Variants in HECW2 observed in about 807,000 individuals in gnomAD.
HECW2 encodes HECT, C2 and WW domain containing E3 ubiquitin protein ligase 2, also known as E3 ubiquitin-protein ligase HECW2.
A neutral mutation model predicts 175.2 loss-of-function variants in HECW2; 61 were observed. The observed-to-expected ratio is 0.35, with a 90% CI of 0.28 to 0.43. HECW2 has a LOEUF of 0.43. Among genes scored for constraint, HECW2 ranks in the 20% least tolerant of loss-of-function variants. The probability of loss-of-function intolerance (pLI) is 1.00; values close to 1 mark genes in which losing one functional copy is unlikely to be tolerated. For synonymous variants in HECW2, 671 were observed against 731.0 expected (o/e 0.92, Z 1.32); for missense variants, 1,524 against 2,000.5 (o/e 0.76, Z 4.54).
chr2:196,477,734 A>G (rs1049246085), intron 1 of HECW2, among the ~76,000 whole-genome samples: 3 of 152,124 alleles, frequency 2.0e-5, no homozygotes, highest in Non-Finnish European at 2.9e-5. Context: ...TACAAGGACC[A>G]CCCCTGTCTT....
chr2:196,373,161 T>C (rs946960089), intron 2 of HECW2, among the ~76,000 whole-genome samples: 11 of 152,266 alleles, frequency 7.2e-5, no homozygotes, highest in African/African-American at 2.6e-4. Flanking sequence ...GTACACAAAA[T>C]AGATAAAGGA....
At chr2:196,348,503 C>T (rs570553098) in intron 2 of HECW2, among the ~76,000 whole-genome samples, 5 of 152,138 alleles carry the variant, frequency 3.3e-5, no homozygotes, top group Admixed American at 1.3e-4. Context: ...TTTTAATTAG[C>T]TGGGCATGGT....
At chr2:196,514,563 T>G (rs973547397) in intron 1 of HECW2, among the ~76,000 whole-genome samples, 1 of 152,086 alleles carries the variant, frequency 6.6e-6, no homozygotes, top group African/African-American at 2.4e-5. Flanking sequence ...GAACTTATGG[T>G]GCTTTTTCCC....
intron 2 of HECW2, among the ~76,000 whole-genome samples, chr2:196,357,466 C>T (rs918027684): frequency 2.6e-5 from 4 of 152,174 alleles, no homozygotes; most frequent in Non-Finnish European, 5.9e-5. Context: ...ATTTTCCCCA[C>T]ACTCAATTTT....
At position 196,319,296 on chromosome 2, in the gene HECW2, T is replaced by C; in HGVS notation, c.1594A>G (p.Asn532Asp). 6.2e-7 allele frequency: 1 copy of C among 1,612,652 alleles called. No individual in the cohort carries two copies. The highest frequency in any genetic ancestry group is 1.7e-5 in the Admixed American group (1 of 59,816). Residue 532 changes from asparagine to aspartate, a missense_variant, in exon 9 of 29, where the codon AAT becomes GAT. Physicochemically the swap from Asn to Asp is conservative, Grantham distance 23. Around this residue, in one of 11 missense-constraint regions of HECW2, gnomAD observed 604 missense variants for 588.3 expected, o/e 1.03. Coordinates refer to ENST00000644978, the MANE Select transcript of HECW2 (RefSeq NM_001348768.2). The stretch of plus-strand genomic sequence containing the variant: ...GAGCTCTCTGCAAGCTCTGGAAGAT[T>C]TTCTGGCTTATCCTCAAAGGAAGCA... ...EAASFEDKPE[N>D]LPELAESSLP...
chr2:196,254,074 T>TG (rs1454980684), intron 18 of HECW2, 45 bp from the exon 19 acceptor site: 12 of 1,607,702 alleles, frequency 7.5e-6, no homozygotes, highest in Non-Finnish European at 1.0e-5. Context: ...GCCAAAGTAG[T>TG]GGGGAAAAGC....
At chr2:196,210,749 G>T (rs1419040374) in intron 28 of HECW2, among the ~76,000 whole-genome samples, 1 of 151,366 alleles carries the variant, frequency 6.6e-6, no homozygotes, top group Non-Finnish European at 1.5e-5. Context: ...GAGTAGCTGG[G>T]ATTACAGGTG....
chr2:196,353,836 C>G (rs1365547644), intron 2 of HECW2, among the ~76,000 whole-genome samples: 2 of 152,216 alleles, frequency 1.3e-5, no homozygotes, highest in Non-Finnish European at 2.9e-5. Context: ...ACCTCAGACT[C>G]AGCCACACTG....
At chr2:196,258,252 G>A (rs996884753) in intron 17 of HECW2, among the ~76,000 whole-genome samples, 12 of 152,180 alleles carry the variant, frequency 7.9e-5, no homozygotes, top group African/African-American at 1.2e-4. Flanking sequence ...GAATTTTAGC[G>A]ATATAGTCTT....
chr2:196,400,328 G>A (rs1348704432), intron 2 of HECW2, among the ~76,000 whole-genome samples: 1 of 152,190 alleles, frequency 6.6e-6, no homozygotes, highest in African/African-American at 2.4e-5. Flanking sequence ...ACAGACAGAG[G>A]AAGGATTTTC....
chr2:196,294,200 A>G (rs982466892), intron 13 of HECW2, among the ~76,000 whole-genome samples: 1 of 152,190 alleles, frequency 6.6e-6, no homozygotes, highest in South Asian at 2.1e-4. Context: ...CTATGTCATG[A>G]TTGTCCACAT....
intron 13 of HECW2, among the ~76,000 whole-genome samples, chr2:196,298,857 G>C (rs1206794154): frequency 6.6e-6 from 1 of 152,148 alleles, no homozygotes; most frequent in African/African-American, 2.4e-5. Flanking sequence ...GGAAGTAACT[G>C]AAAGAGGTAT....
At chr2:196,429,247 G>T (rs111704984) in intron 2 of HECW2, among the ~76,000 whole-genome samples, 2 of 151,946 alleles carry the variant, frequency 1.3e-5, no homozygotes, top group Non-Finnish European at 2.9e-5. Flanking sequence ...GCCTGGGGGG[G>T]GCCTACCTGC....
intron 2 of HECW2, among the ~76,000 whole-genome samples, chr2:196,398,348 G>A (rs1694728766): frequency 6.6e-6 from 1 of 152,172 alleles, no homozygotes. Flanking sequence ...ATAGTAAAAT[G>A]TGACAGTTTT....
intron 10 of HECW2, among the ~76,000 whole-genome samples, chr2:196,313,946 A>G (rs1031693277): frequency 1.3e-5 from 2 of 152,144 alleles, no homozygotes; most frequent in Non-Finnish European, 2.9e-5. Flanking sequence ...CTATAGTCCC[A>G]GCTACTCAGG....
intron 26 of HECW2, among the ~76,000 whole-genome samples, chr2:196,218,887 T>C (rs534518393): frequency 6.6e-6 from 1 of 152,328 alleles, no homozygotes; most frequent in Admixed American, 6.5e-5. Flanking sequence ...GCAATTGGAC[T>C]TCAGAAATAG....
chr2:196,531,235 T>TG (rs1688828455), intron 1 of HECW2, among the ~76,000 whole-genome samples: 1 of 152,236 alleles, frequency 6.6e-6, no homozygotes, highest in Non-Finnish European at 1.5e-5. Flanking sequence ...CACCCTGGTT[T>TG]GCTGACTAAT....
chr2:196,313,665 A>T (rs921145050), intron 10 of HECW2, among the ~76,000 whole-genome samples: 3 of 152,226 alleles, frequency 2.0e-5, no homozygotes, highest in Non-Finnish European at 4.4e-5. Flanking sequence ...AATAAGAATG[A>T]AAAAAGAAGA....
intron 17 of HECW2, among the ~76,000 whole-genome samples, chr2:196,265,848 C>T (rs941882530): frequency 9.2e-5 from 14 of 152,092 alleles, no homozygotes; most frequent in Admixed American, 3.3e-4. Flanking sequence ...ATGTCTCATT[C>T]GAAGTCACCT....
Sources: gnomAD v4.1 joint callset for allele counts (sites outside exome capture counted in the v4.1 genomes callset) on GRCh38, gnomAD v4.1.1 for gene constraint, gnomAD v4.1.1 regional missense constraint, MANE v1.5 for transcripts, NCBI Gene and HGNC (gene_info 2026-07-23, HGNC 2026-07-21) for gene names.